Variants in SPIN1 observed in about 807,000 individuals in gnomAD.
SPIN1 encodes spindlin 1, also known as spindlin-1.
A neutral mutation model predicts 26.0 loss-of-function variants in SPIN1; 3 were observed. The observed-to-expected ratio is 0.12, with a 90% CI of 0.05 to 0.30. The LOEUF (loss-of-function observed/expected upper bound fraction) is 0.30. SPIN1 is among the 10% of genes least tolerant of loss of function. SPIN1 has a pLI of 1.00. For synonymous variants in SPIN1, 101 were observed against 116.5 expected (o/e 0.87, Z 0.86); for missense variants, 126 against 333.4 (o/e 0.38, Z 4.84).
intron 3 of SPIN1, chr9:88,457,994 AT>A: frequency 1.0e-6 from 1 of 984,916 alleles, no homozygotes; most frequent in African/African-American, 1.7e-5. Context: ...TTTACTAAGG[AT>A]TTTTTCTTGT....
chr9:88,430,226 C>T (rs767574583), intron 2 of SPIN1, among the ~76,000 whole-genome samples: 1 of 152,228 alleles, frequency 6.6e-6, no homozygotes, highest in Non-Finnish European at 1.5e-5. Context: ...GGTGTCATCT[C>T]AAAGGCTTCT....
At chr9:88,464,348 T>A (rs1352119761) in intron 4 of SPIN1, among the ~76,000 whole-genome samples, 1 of 152,236 alleles carries the variant, frequency 6.6e-6, no homozygotes, top group South Asian at 2.1e-4. Flanking sequence ...AATTACTTGC[T>A]CTTCACTTAC....
At chr9:88,424,590 A>T (rs1250403594) in intron 1 of SPIN1, among the ~76,000 whole-genome samples, 1 of 152,246 alleles carries the variant, frequency 6.6e-6, no homozygotes, top group East Asian at 1.9e-4. Context: ...TTGGAAAAAC[A>T]ATAAAGCTGT....
At chr9:88,440,498 T>G (rs1023123092) in intron 2 of SPIN1, among the ~76,000 whole-genome samples, 1 of 152,178 alleles carries the variant, frequency 6.6e-6, no homozygotes, top group African/African-American at 2.4e-5. Context: ...CCCTGTAGTT[T>G]GCGATATATA....
intron 2 of SPIN1, among the ~76,000 whole-genome samples, chr9:88,438,340 A>C (rs1463938250): frequency 6.6e-6 from 1 of 152,022 alleles, no homozygotes; most frequent in Non-Finnish European, 1.5e-5. Context: ...TTCAATCTCC[A>C]TGTATTTTGA....
chr9:88,457,452 C>G (rs1828493328), intron 3 of SPIN1, among the ~76,000 whole-genome samples: 1 of 152,024 alleles, frequency 6.6e-6, no homozygotes, highest in South Asian at 2.1e-4. Context: ...ATCACGTGAA[C>G]CTGGGAGGTG....
intron 1 of SPIN1, among the ~76,000 whole-genome samples, chr9:88,390,929 A>G (rs1171253360): frequency 6.6e-6 from 1 of 152,180 alleles, no homozygotes; most frequent in African/African-American, 2.4e-5. Flanking sequence ...AATTGCAAAA[A>G]CAGCACATTG....
chr9:88,418,052 C>T (rs1392659369), intron 1 of SPIN1, among the ~76,000 whole-genome samples: 1 of 152,220 alleles, frequency 6.6e-6, no homozygotes, highest in Non-Finnish European at 1.5e-5. Flanking sequence ...TTAAGTTTCT[C>T]TGCAGCTGTC....
rs1439678198 is a variant in SPIN1 at position 88,388,489 on chromosome 9, G to A, written c.-208G>A. The A allele has an allele frequency of 1.4e-5, 2 of 147,904 alleles. No homozygotes were observed. The highest frequency in any genetic ancestry group is 2.4e-5 in the African/African-American group (1 of 41,048). The allele number at this position is 147,904 out of a possible 1,614,324, so 9.2% of individuals were successfully genotyped here. ...CTGGGGCCGGCGGGAGCGCGAACGA[G>A]CGACGGCGGAACCCGTGGGCCTGTG... is the stretch of plus-strand genomic sequence containing the variant. On this transcript the variant is annotated 5_prime_UTR_variant, in exon 1 of 6. Coordinates refer to ENST00000375859, the MANE Select transcript of SPIN1 (RefSeq NM_006717.3).
At chr9:88,404,533 A>G (rs1199541889) in intron 1 of SPIN1, among the ~76,000 whole-genome samples, 1 of 152,228 alleles carries the variant, frequency 6.6e-6, no homozygotes, top group Non-Finnish European at 1.5e-5. Context: ...ACAGATGTAT[A>G]GAAATACTTT....
chr9:88,406,291 A>G (rs1827308328), intron 1 of SPIN1, among the ~76,000 whole-genome samples: 1 of 128,736 alleles, frequency 7.8e-6, no homozygotes, highest in Non-Finnish European at 1.5e-5. Context: ...TATATACTAG[A>G]ATTTTTTTTT....
chr9:88,405,536 C>CTTTTTTTT (rs757565862), intron 1 of SPIN1, among the ~76,000 whole-genome samples: 5 of 110,732 alleles, frequency 4.5e-5, no homozygotes, highest in African/African-American at 2.0e-4. Flanking sequence ...CTGTACTATC[C>CTTTTTTTT]TTTTTTTTTT....
At position 88,441,419 on chromosome 9, in the gene SPIN1, G is replaced by GCGTGCGCGCGCA. The variant is rs1554695445; in HGVS notation, c.53-7520_53-7519insTGCGCGCGCACG. On this transcript the variant is annotated intron_variant, in intron 2 of 5. Coordinates refer to ENST00000375859, the MANE Select transcript of SPIN1 (RefSeq NM_006717.3). ...CATTCGTGTGTGTGTGTGTGTGCGC[G>GCGTGCGCGCGCA]CGCGCGCGCCCATGTGTGTGTACAT... is the stretch of plus-strand genomic sequence containing the variant. Among the ~76,000 whole-genome samples, 43 of 149,298 alleles carry GCGTGCGCGCGCA rather than the reference G, an allele frequency of 2.9e-4. 1 individual carries two copies. The highest frequency in any genetic ancestry group is 8.4e-4 in the African/African-American group (33 of 39,472).
chr9:88,390,807 T>G (rs1307001947), intron 1 of SPIN1, among the ~76,000 whole-genome samples: 1 of 152,172 alleles, frequency 6.6e-6, no homozygotes, highest in Non-Finnish European at 1.5e-5. Context: ...TCCTTACTGG[T>G]CCAAAGCCAC....
intron 2 of SPIN1, among the ~76,000 whole-genome samples, chr9:88,430,468 A>C (rs916074056): frequency 6.6e-6 from 1 of 152,126 alleles, no homozygotes; most frequent in East Asian, 1.9e-4. Flanking sequence ...CCAGGGAGGG[A>C]GCATAGACAC....
intron 4 of SPIN1, among the ~76,000 whole-genome samples, chr9:88,464,403 A>G (rs1209310030): frequency 6.6e-6 from 1 of 152,208 alleles, no homozygotes; most frequent in East Asian, 1.9e-4. Context: ...ATTAGAGTAT[A>G]ATTAAAATTA....
At chr9:88,466,844 C>G (rs997630619) in intron 4 of SPIN1, among the ~76,000 whole-genome samples, 3 of 152,072 alleles carry the variant, frequency 2.0e-5, no homozygotes, top group Non-Finnish European at 2.9e-5. Context: ...TTAGGTGATT[C>G]ACCACCTGAG....
At chr9:88,448,047 CT>C (rs113183923) in intron 2 of SPIN1, among the ~76,000 whole-genome samples, 316 of 142,452 alleles carry the variant, frequency 2.2e-3, no homozygotes, top group Middle Eastern at 3.8e-3. Context: ...TTGTTTTGGT[CT>C]TTTTTTTTTT....
At chr9:88,388,943 G>A (rs927063384) in intron 1 of SPIN1, among the ~76,000 whole-genome samples, 2 of 151,042 alleles carry the variant, frequency 1.3e-5, no homozygotes, top group Non-Finnish European at 3.0e-5. Flanking sequence ...CGGGGAGGGG[G>A]CGCTGCGCCA....
Sources: allele counts gnomAD v4.1 joint callset (sites outside exome capture counted in the v4.1 genomes callset), GRCh38; gene constraint gnomAD v4.1.1; transcripts MANE v1.5; gene names NCBI Gene and HGNC (gene_info 2026-07-23, HGNC 2026-07-21).